PTPRJ: variants seen among roughly 807,000 people sequenced by gnomAD.
PTPRJ encodes the protein receptor-type tyrosine-protein phosphatase eta.
In PTPRJ, 129 loss-of-function variants were observed where a neutral mutation model predicts 141.3. The ratio of observed to expected loss-of-function variants is 0.91; its 90% CI spans 0.79 to 1.06. PTPRJ has a LOEUF of 1.06. PTPRJ is among the 50% of genes least tolerant of loss of function. The pLI is 0.00. For missense variants in PTPRJ, 1,601 were observed against 1,679.7 expected (o/e 0.95, Z 0.82); for synonymous variants, 610 against 640.5 (o/e 0.95, Z 0.72).
At chr11:48,061,182 GC>G (rs1272498165) in intron 1 of PTPRJ, among the ~76,000 whole-genome samples, 2 of 152,114 alleles carry the variant, frequency 1.3e-5, no homozygotes, top group African/African-American at 4.8e-5. Flanking sequence ...CACTATGTTG[GC>G]CAGTCTGATC....
At chr11:48,061,262 C>A (rs1438814930) in intron 1 of PTPRJ, among the ~76,000 whole-genome samples, 4 of 152,202 alleles carry the variant, frequency 2.6e-5, no homozygotes, top group Admixed American at 1.3e-4. Flanking sequence ...AGGCATGAGC[C>A]ACTGTGCCTG....
At position 48,144,757 on chromosome 11, in the gene PTPRJ, C is replaced by T; in HGVS notation, c.2658C>T (p.Leu886=). The T allele has an allele frequency of 6.2e-7, 1 of 1,614,116 alleles. No individual in the cohort carries two copies. The highest frequency in any genetic ancestry group is 2.2e-5 in the East Asian group (1 of 44,882). ...CCTCAGATACTTATGTGACATACCTCATAAGAACAGAAGAAAAGGGACGTT... is the reference window on the plus strand; with the variant it reads ...CCTCAGATACTTATGTGACATACCTTATAAGAACAGAAGAAAAGGGACGTT... ...KGASDTYVTY[L]IRTEEKGRSQ... The change falls in exon 13 of 25, where the codon CTC becomes CTT. Residue 886 remains leucine (L), a synonymous_variant. Coordinates refer to ENST00000418331, the MANE Select transcript of PTPRJ (RefSeq NM_002843.4).
intron 1 of PTPRJ, among the ~76,000 whole-genome samples, chr11:48,009,641 G>A (rs150721631): frequency 1.3e-5 from 2 of 152,294 alleles, no homozygotes; most frequent in Non-Finnish European, 2.9e-5. Context: ...ACTTGAAGCC[G>A]TGCTTTATAT....
At chr11:48,098,521 T>TCA (rs1470153400) in intron 1 of PTPRJ, among the ~76,000 whole-genome samples, 2 of 14,834 alleles carry the variant, frequency 1.3e-4, no homozygotes, top group Admixed American at 1.5e-3. Context: ...TTATCTCTTT[T>TCA]TTTTTTTTTT....
chr11:48,110,549 A>G (rs1856413075), intron 2 of PTPRJ, among the ~76,000 whole-genome samples: 1 of 152,256 alleles, frequency 6.6e-6, no homozygotes, highest in South Asian at 2.1e-4. Context: ...AAATGAAAGA[A>G]AAAATTTTAA....
Position 48,149,433 on chromosome 11 carries a change from TTC to T in PTPRJ, c.3000-10_3000-9del. 1 of 1,504,204 alleles carries T rather than the reference TTC, an allele frequency of 6.6e-7. No homozygotes were observed. The highest frequency in any genetic ancestry group is 1.9e-5 in the Admixed American group (1 of 53,748). 93.2% of individuals were successfully genotyped at this position (1,504,204 alleles called of 1,614,324 possible). A position where few individuals can be genotyped will look rare whatever the true frequency, so the allele number is the denominator to read the frequency against. On this transcript the variant is annotated splice_polypyrimidine_tract_variant and intron_variant, in intron 15 of 24. Coordinates refer to ENST00000418331, the MANE Select transcript of PTPRJ (RefSeq NM_002843.4). The stretch of plus-strand genomic sequence containing the variant: ...TCCTTTTTTGTCTAATGGGTCTCTT[TTC>T]TCTTAAAACAGGAAAGATGCAAAGA...
At chr11:48,115,811 T>C (rs891005316) in intron 3 of PTPRJ, among the ~76,000 whole-genome samples, 5 of 152,286 alleles carry the variant, frequency 3.3e-5, no homozygotes, top group African/African-American at 9.6e-5. Flanking sequence ...GGACTAGAAG[T>C]GTAGAGGTCA....
rs199782448 is a variant in PTPRJ, at chr11:48,159,244, T to C, written c.3439-686T>C. ...TCTGTTCACATCTGCCCACCAACTT[T>C]ATAGAAATCAAAGACCCCAGAATGA... On this transcript the variant is annotated intron_variant, in intron 21 of 24. Transcript: ENST00000418331. 2.0e-5 allele frequency among the ~76,000 whole-genome samples: 3 copies of C among 152,216 alleles called. No homozygotes were observed. The East Asian group carries it at 5.8e-4, about 29-fold the overall frequency.
intron 1 of PTPRJ, among the ~76,000 whole-genome samples, chr11:48,047,530 G>T (rs895377741): frequency 2.7e-5 from 4 of 150,376 alleles, no homozygotes; most frequent in South Asian, 2.1e-4. Flanking sequence ...TTGAGACAGG[G>T]TCTTACTCTG....
At chr11:48,121,298 A>C (rs1320487533) in intron 4 of PTPRJ, 32 bp downstream of exon 4, 1 of 1,606,462 alleles carries the variant, frequency 6.2e-7, no homozygotes, top group Non-Finnish European at 8.5e-7. Flanking sequence ...GATGATGACA[A>C]ACCATTTCTT....
At chr11:48,076,821 A>G (rs1035061299) in intron 1 of PTPRJ, among the ~76,000 whole-genome samples, 1 of 151,178 alleles carries the variant, frequency 6.6e-6, no homozygotes, top group Non-Finnish European at 1.5e-5. Context: ...AGAAATGAAA[A>G]GGATTTTACA....
intron 1 of PTPRJ, among the ~76,000 whole-genome samples, chr11:48,022,150 A>ACC (rs1855141418): frequency 6.6e-6 from 1 of 152,086 alleles, no homozygotes; most frequent in Admixed American, 6.6e-5. Context: ...GGTAAATTTT[A>ACC]TGTAAGTGTT....
intron 1 of PTPRJ, among the ~76,000 whole-genome samples, chr11:48,043,760 C>G (rs1854325344): frequency 6.6e-6 from 1 of 152,118 alleles, no homozygotes; most frequent in African/African-American, 2.4e-5. Context: ...TCTGAAGGGG[C>G]TAAGCCATGG....
At chr11:47,999,572 T>C (rs867899262) in intron 1 of PTPRJ, among the ~76,000 whole-genome samples, 79 of 152,288 alleles carry the variant, frequency 5.2e-4, no homozygotes, top group African/African-American at 1.8e-3. Flanking sequence ...AAAATACCAG[T>C]TGGAGGCTCC....
At chr11:48,015,488 TTC>T (rs1273659791) in intron 1 of PTPRJ, among the ~76,000 whole-genome samples, 1 of 152,140 alleles carries the variant, frequency 6.6e-6, no homozygotes, top group Non-Finnish European at 1.5e-5. Flanking sequence ...CCTTGCCTGG[TTC>T]TCTTGTTTGT....
Position 48,153,868 on chromosome 11 carries a change from T to C in PTPRJ, c.3211T>C (p.Tyr1071His), listed in dbSNP as rs776503538. ...ELAENRGKNR[Y>H]NNVLPYDISR... Reference sequence around the variant, plus strand: ...GGCTGAGAATAGAGGAAAGAATCGCTATAATAATGTTCTGCCCTGTAAGTT... The same window carrying C: ...GGCTGAGAATAGAGGAAAGAATCGCCATAATAATGTTCTGCCCTGTAAGTT... The change falls in exon 19 of 25, where the codon TAT (tyrosine) becomes CAT (histidine). Residue 1071 changes from tyrosine to histidine, a missense_variant. Coordinates refer to ENST00000418331, the MANE Select transcript of PTPRJ (RefSeq NM_002843.4). 8.1e-6 allele frequency: 13 copies of C among 1,612,202 alleles called. No homozygotes were observed. Among genetic ancestry groups the C allele is most frequent in the African/African-American group, 1.3e-5 (1 of 74,882 alleles).
chr11:48,128,395 A>C (rs1387383955), intron 7 of PTPRJ, among the ~76,000 whole-genome samples: 1 of 152,120 alleles, frequency 6.6e-6, no homozygotes, highest in East Asian at 1.9e-4. Flanking sequence ...ATACAGGGAG[A>C]CAAAAATGAC....
chr11:48,037,985 C>A (rs980665350), intron 1 of PTPRJ, among the ~76,000 whole-genome samples: 1 of 151,268 alleles, frequency 6.6e-6, no homozygotes, highest in Non-Finnish European at 1.5e-5. Flanking sequence ...TGCTAAATTC[C>A]GTCCATTTTT....
At chr11:48,005,224 A>G (rs1409865263) in intron 1 of PTPRJ, among the ~76,000 whole-genome samples, 1 of 151,578 alleles carries the variant, frequency 6.6e-6, no homozygotes, top group Non-Finnish European at 1.5e-5. Flanking sequence ...TCTATCTTAA[A>G]AAAAAAAAAA....
Sources: gnomAD v4.1 joint callset for allele counts (sites outside exome capture counted in the v4.1 genomes callset) on GRCh38, gnomAD v4.1.1 for gene constraint, MANE v1.5 for transcripts, NCBI Gene and HGNC (gene_info 2026-07-23, HGNC 2026-07-21) for gene names.